Variants in CACNA1D observed in about 807,000 individuals in gnomAD.
The protein encoded by CACNA1D is calcium voltage-gated channel subunit alpha1 D, also known as voltage-dependent L-type calcium channel subunit alpha-1D.
Under a neutral mutation model 257.1 loss-of-function variants are expected in CACNA1D, and 55 were observed. The ratio of observed to expected loss-of-function variants is 0.21; its 90% CI spans 0.17 to 0.27. The LOEUF (loss-of-function observed/expected upper bound fraction) is 0.27. CACNA1D is among the 10% of genes least tolerant of loss of function. The probability of loss-of-function intolerance (pLI) is 1.00; values close to 1 mark genes in which losing one functional copy is unlikely to be tolerated. For synonymous variants in CACNA1D, 980 were observed against 1,014.9 expected, an observed-to-expected ratio of 0.97 and a Z score of 0.65; for missense variants, 1,876 against 2,784.0, an observed-to-expected ratio of 0.67 and a Z score of 7.34.
chr3:53,560,061 C>CTTTT (rs34438908), intron 3 of CACNA1D, among the ~76,000 whole-genome samples: 6 of 102,658 alleles, frequency 5.8e-5, no homozygotes, highest in African/African-American at 2.5e-4. Flanking sequence ...TTAGGAGTTC[C>CTTTT]TTTTTTTTTT....
intron 45 of CACNA1D, 99 bp from the exon 46 acceptor site, chr3:53,808,550 G>T: frequency 7.0e-7 from 1 of 1,423,784 alleles, no homozygotes; most frequent in Non-Finnish European, 9.8e-7. Flanking sequence ...GCTTCTTCCT[G>T]GGCTCGTTGC....
intron 40 of CACNA1D, among the ~76,000 whole-genome samples, chr3:53,799,515 C>CT (rs1359816071): frequency 6.6e-6 from 1 of 152,224 alleles, no homozygotes; most frequent in Non-Finnish European, 1.5e-5. Context: ...TCTGGTGGGT[C>CT]TTGCACTGCC....
At chr3:53,497,076 A>C in intron 1 of CACNA1D, 76 bp from the exon 2 acceptor site, 1 of 1,113,894 alleles carries the variant, frequency 9.0e-7, no homozygotes, top group Non-Finnish European at 1.3e-6. Context: ...GATGGGAGAC[A>C]ACCTTTGATT....
chr3:53,764,346 C>T (rs562049623), intron 30 of CACNA1D, among the ~76,000 whole-genome samples: 2 of 152,210 alleles, frequency 1.3e-5, no homozygotes, highest in Non-Finnish European at 2.9e-5. Flanking sequence ...ACAATCTACT[C>T]GGAGGTATAT....
chr3:53,630,938 A>G (rs574729050), intron 3 of CACNA1D, among the ~76,000 whole-genome samples: 2 of 152,232 alleles, frequency 1.3e-5, no homozygotes, highest in African/African-American at 2.4e-5. Flanking sequence ...ATGTCTAAAA[A>G]ATGCACATAC....
intron 3 of CACNA1D, among the ~76,000 whole-genome samples, chr3:53,539,375 T>G (rs547287689): frequency 6.6e-6 from 1 of 152,228 alleles, no homozygotes; most frequent in Admixed American, 6.5e-5. Context: ...CCCAAAGTGC[T>G]GGGATTACCA....
In CACNA1D at chr3:53,502,052, CT is replaced by C. The variant is rs750904996; in HGVS notation, c.483+345del. On this transcript the variant is annotated intron_variant, in intron 3 of 47. Transcript: ENST00000350061. ...CTGATAATATTAGCTTTTTTCTTTT[CT>C]TTTTTTTTTTTTGTTTTTAATCTAG... Among the ~76,000 whole-genome samples, 1,319 of 135,192 alleles carry C rather than the reference CT, an allele frequency of 9.8e-3. 5 individuals are homozygous for C. Among genetic ancestry groups the C allele is most frequent in the African/African-American group, 0.029 (1,073 of 37,072 alleles). 88.7% of individuals were successfully genotyped at this position (135,192 alleles called of 152,430 possible). A position where few individuals can be genotyped will look rare whatever the true frequency, so the allele number is the denominator to read the frequency against.
intron 3 of CACNA1D, among the ~76,000 whole-genome samples, chr3:53,636,104 G>A (rs1009846993): frequency 6.6e-6 from 1 of 152,148 alleles, no homozygotes; most frequent in Non-Finnish European, 1.5e-5. Flanking sequence ...TGTATATGGT[G>A]GAGGGAGAGA....
Position 53,719,214 on chromosome 3 carries a change from T to TG in CACNA1D, c.1479-538dup, listed in dbSNP as rs556224039. 1.4e-4 allele frequency among the ~76,000 whole-genome samples: 21 copies of TG among 152,354 alleles called. No homozygotes were observed. The South Asian group carries it at 4.3e-3, about 32-fold the overall frequency. The stretch of plus-strand genomic sequence containing the variant: ...AGAGTTTCATAAAAATGATGTGTTA[T>TG]GGGCAGAATATGCAACCATTTGTGA... On this transcript the variant is annotated intron_variant, in intron 10 of 47. Transcript: ENST00000350061.
intron 3 of CACNA1D, among the ~76,000 whole-genome samples, chr3:53,588,039 A>T (rs985789714): frequency 2.0e-5 from 3 of 152,164 alleles, no homozygotes; most frequent in Non-Finnish European, 2.9e-5. Context: ...ATACACTCAT[A>T]ATGGTTTCAA....
rs558761952 is a variant in CACNA1D at position 53,810,574 on chromosome 3, A to G, written c.6192+276A>G. 2.5e-5 allele frequency: 12 copies of G among 476,054 alleles called. 1 individual carries two copies. Among genetic ancestry groups the G allele is most frequent in the African/African-American group, 2.0e-4 (10 of 50,932 alleles). The allele number at this position is 476,054 out of a possible 1,614,324, so 29.5% of individuals were successfully genotyped here. ...CGGCTCAAAGACCAGCCTTGCCAAC[A>G]TGGTGAAACCCCGTCTCTACTAAAA... On this transcript the variant is annotated intron_variant, in intron 47 of 47. Transcript: ENST00000350061.
chr3:53,616,005 C>A (rs2093632545), intron 3 of CACNA1D, among the ~76,000 whole-genome samples: 1 of 152,162 alleles, frequency 6.6e-6, no homozygotes, highest in African/African-American at 2.4e-5. Context: ...CAGGTAAATC[C>A]TTTCCTCTCT....
Position 53,805,051 on chromosome 3 carries a change from A to C in CACNA1D, c.5654A>C (p.His1885Pro). The C allele has an allele frequency of 6.2e-7, 1 of 1,614,110 alleles. No individual in the cohort carries two copies. The highest frequency in any genetic ancestry group is 8.5e-7 in the Non-Finnish European group (1 of 1,180,010). Reference sequence around the variant, plus strand: ...GACTCTGAGAGGCCCCGAGGCTACCATCATCCCCAAGGATTCTTGGAGGAC... The same window carrying C: ...GACTCTGAGAGGCCCCGAGGCTACCCTCATCCCCAAGGATTCTTGGAGGAC... Reference protein sequence around the residue: ...NIDSERPRGYHHPQGFLEDDD... With the variant: ...NIDSERPRGYPHPQGFLEDDD... The change falls in exon 45 of 48, where the codon CAT becomes CCT. Residue 1885 changes from histidine (H) to proline (P), a missense_variant. Around this residue, in one of 10 missense-constraint regions of CACNA1D, gnomAD observed 491 missense variants for 554.3 expected, o/e 0.89. Coordinates refer to ENST00000350061, the MANE Select transcript of CACNA1D (RefSeq NM_001128840.3).
chr3:53,775,726 C>A (rs548978337), intron 34 of CACNA1D, among the ~76,000 whole-genome samples, 160 bp from the exon 35 acceptor site: 2 of 152,116 alleles, frequency 1.3e-5, no homozygotes, highest in African/African-American at 4.8e-5. Context: ...ATAAGTTGCA[C>A]GTGAAAATCA....
At chr3:53,531,514 G>A (rs1387460612) in intron 3 of CACNA1D, among the ~76,000 whole-genome samples, 4 of 152,200 alleles carry the variant, frequency 2.6e-5, no homozygotes, top group African/African-American at 9.7e-5. Context: ...TGTCAGAGCA[G>A]ATAATTTAGG....
chr3:53,497,138 C>T lies in CACNA1D; in HGVS notation c.68-14C>T. ...TTTAAAAAAAAAAATCTTTGTTTTTCTCCTTCTCCCCAGAGGCAAACTATG... is the reference window on the plus strand; with the variant it reads ...TTTAAAAAAAAAAATCTTTGTTTTTTTCCTTCTCCCCAGAGGCAAACTATG... On this transcript the variant is annotated splice_polypyrimidine_tract_variant and intron_variant, in intron 1 of 47. Coordinates refer to ENST00000350061, the MANE Select transcript of CACNA1D (RefSeq NM_001128840.3). The T allele has an allele frequency of 1.2e-6, 2 of 1,610,652 alleles. No homozygotes were observed. Among genetic ancestry groups the T allele is most frequent in the Non-Finnish European group, 1.7e-6 (2 of 1,178,048 alleles).
chr3:53,616,883 G>T (rs1030585829), intron 3 of CACNA1D, among the ~76,000 whole-genome samples: 2 of 152,082 alleles, frequency 1.3e-5, no homozygotes, highest in African/African-American at 4.8e-5. Context: ...GGAGGCAGGT[G>T]CAGGACACTG....
chr3:53,544,785 G>T (rs1203684436), intron 3 of CACNA1D, among the ~76,000 whole-genome samples: 2 of 152,214 alleles, frequency 1.3e-5, no homozygotes, highest in African/African-American at 4.8e-5. Context: ...TAAAGGCCCT[G>T]ATGTTCTACA....
chr3:53,640,946 A>G (rs2093943299), intron 3 of CACNA1D, among the ~76,000 whole-genome samples: 1 of 152,134 alleles, frequency 6.6e-6, no homozygotes, highest in African/African-American at 2.4e-5. Context: ...TCAAAAGGGG[A>G]AAAATGATGC....
Sources: gnomAD v4.1 joint callset for allele counts (sites outside exome capture counted in the v4.1 genomes callset) on GRCh38, gnomAD v4.1.1 for gene constraint, gnomAD v4.1.1 regional missense constraint, MANE v1.5 for transcripts, NCBI Gene and HGNC (gene_info 2026-07-23, HGNC 2026-07-21) for gene names.